The following CHRM3 variants were observed in gnomAD, a reference collection of about 807,000 sequenced individuals.
CHRM3 encodes the protein cholinergic receptor muscarinic 3, also known as muscarinic acetylcholine receptor M3.
In CHRM3, 11 loss-of-function variants were observed where a neutral mutation model predicts 41.8. That is an observed-to-expected ratio of 0.26 (90% confidence interval 0.17 to 0.44). CHRM3 has a LOEUF of 0.44. Among genes scored for constraint, CHRM3 ranks in the 20% least tolerant of loss-of-function variants. CHRM3 has a pLI of 1.00. For synonymous variants in CHRM3, 297 were observed against 301.4 expected (o/e 0.99, Z 0.15); for missense variants, 571 against 745.4 (o/e 0.77, Z 2.72).
chr1:239,841,313 C>G (rs993860989), intron 6 of CHRM3, among the ~76,000 whole-genome samples: 1 of 152,006 alleles, frequency 6.6e-6, no homozygotes, highest in Non-Finnish European at 1.5e-5. Context: ...AGCTAGTATG[C>G]TCTGGAGATG....
At chr1:239,446,041 A>G (rs528719896) in intron 1 of CHRM3, among the ~76,000 whole-genome samples, 1 of 151,988 alleles carries the variant, frequency 6.6e-6, no homozygotes, top group East Asian at 2.0e-4. Context: ...GGGTTCAAGC[A>G]ATTCTCCTGC....
intron 3 of CHRM3, among the ~76,000 whole-genome samples, chr1:239,615,400 C>T (rs1179578018): frequency 1.3e-5 from 2 of 152,040 alleles, no homozygotes; most frequent in Admixed American, 6.5e-5. Flanking sequence ...CCCTGGGGCT[C>T]CCACCAAGTG....
Position 239,629,258 on chromosome 1 carries a change from C to G in CHRM3, c.-312-2966C>G, listed in dbSNP as rs532075613. The G allele has an allele frequency of 1.3e-4, 18 of 134,230 alleles. 1 individual carries two copies. The highest frequency in any genetic ancestry group is 5.3e-4 in the African/African-American group (18 of 34,150). 8.3% of individuals were successfully genotyped at this position (134,230 alleles called of 1,614,324 possible). A position where few individuals can be genotyped will look rare whatever the true frequency, so the allele number is the denominator to read the frequency against. On this transcript the variant is annotated intron_variant, in intron 3 of 6. Transcript: ENST00000676153. ...GCGCAATATTCGGGTGGGAGTGACCCGATTTTCCAGGTGCTTCCGTCACCC... is the reference window on the plus strand; with the variant it reads ...GCGCAATATTCGGGTGGGAGTGACCGGATTTTCCAGGTGCTTCCGTCACCC...
intron 5 of CHRM3, among the ~76,000 whole-genome samples, chr1:239,730,100 T>C (rs1159025358): frequency 6.6e-6 from 1 of 151,968 alleles, no homozygotes; most frequent in Non-Finnish European, 1.5e-5. Flanking sequence ...TATCAATAAA[T>C]GTTTAAGTTA....
chr1:239,786,691 G>A (rs1198512612), intron 5 of CHRM3, among the ~76,000 whole-genome samples: 1 of 151,668 alleles, frequency 6.6e-6, no homozygotes, highest in Non-Finnish European at 1.5e-5. Context: ...ACACCGCAGG[G>A]TGCCGAGGGC....
intron 3 of CHRM3, among the ~76,000 whole-genome samples, chr1:239,582,682 C>T (rs921780023): frequency 2.6e-5 from 4 of 152,112 alleles, no homozygotes; most frequent in Non-Finnish European, 4.4e-5. Context: ...TCAATACCAT[C>T]CTCATCCATG....
intron 5 of CHRM3, among the ~76,000 whole-genome samples, chr1:239,732,206 T>C (rs1461382002): frequency 6.6e-6 from 1 of 151,846 alleles, no homozygotes; most frequent in Non-Finnish European, 1.5e-5. Context: ...TTTAGATAAG[T>C]ATGCCTAACA....
At chr1:239,725,522 A>G (rs1663357525) in intron 5 of CHRM3, among the ~76,000 whole-genome samples, 1 of 151,978 alleles carries the variant, frequency 6.6e-6, no homozygotes, top group Non-Finnish European at 1.5e-5. Flanking sequence ...TGAATAAATA[A>G]AGATAACATA....
intron 5 of CHRM3, among the ~76,000 whole-genome samples, chr1:239,740,639 G>A (rs920991277): frequency 6.6e-6 from 1 of 152,010 alleles, no homozygotes; most frequent in Non-Finnish European, 1.5e-5. Context: ...CCCCTGACAG[G>A]CCCAAGTGTG....
At chr1:239,870,734 T>C (rs1676504052) in intron 6 of CHRM3, among the ~76,000 whole-genome samples, 1 of 152,200 alleles carries the variant, frequency 6.6e-6, no homozygotes, top group Non-Finnish European at 1.5e-5. Flanking sequence ...TTCCTTCATA[T>C]TAAAATCTGT....
intron 5 of CHRM3, among the ~76,000 whole-genome samples, chr1:239,708,202 T>C (rs1428545291): frequency 6.6e-6 from 1 of 152,198 alleles, no homozygotes; most frequent in Admixed American, 6.5e-5. Flanking sequence ...CTTGTGGTGG[T>C]TCAGGCCAAA....
intron 5 of CHRM3, among the ~76,000 whole-genome samples, chr1:239,758,782 G>A (rs1666450091): frequency 6.6e-6 from 1 of 152,122 alleles, no homozygotes; most frequent in Admixed American, 6.5e-5. Context: ...AGTCTACTGT[G>A]TTTTTTGGTA....
intron 1 of CHRM3, among the ~76,000 whole-genome samples, chr1:239,424,198 A>G (rs1415106703): frequency 6.6e-6 from 1 of 152,182 alleles, no homozygotes; most frequent in East Asian, 1.9e-4. Context: ...TGCTCCTAAC[A>G]TACGACACGG....
intron 4 of CHRM3, among the ~76,000 whole-genome samples, chr1:239,661,577 A>G (rs1291446779): frequency 1.3e-5 from 2 of 152,222 alleles, no homozygotes; most frequent in African/African-American, 4.8e-5. Context: ...TATGTACTGG[A>G]CAATTCTGAC....
chr1:239,430,248 G>A (rs1279473282), intron 1 of CHRM3, among the ~76,000 whole-genome samples: 2 of 151,658 alleles, frequency 1.3e-5, no homozygotes, highest in African/African-American at 4.8e-5. Flanking sequence ...TTACAGGTGT[G>A]AGCCACCACA....
At position 239,387,698 on chromosome 1, in the gene CHRM3, A is replaced by T. The variant is rs1050309831; in HGVS notation, c.-521+471A>T. 3.9e-5 allele frequency among the ~76,000 whole-genome samples: 6 copies of T among 152,002 alleles called. No homozygotes were observed. The highest frequency in any genetic ancestry group is 1.4e-4 in the African/African-American group (6 of 41,386). On this transcript the variant is annotated intron_variant, in intron 1 of 6. Coordinates refer to ENST00000676153, the MANE Select transcript of CHRM3 (RefSeq NM_001375978.1). This position sits in a 1 kb window ranked among gnomAD's most constrained non-coding sequence, Gnocchi z 5.1. ...TTGAGCGTTTGTCTCCCATCTCCCC[A>T]TTTGGTTTCCTGTCATTTCTAAGAA...
intron 2 of CHRM3, among the ~76,000 whole-genome samples, chr1:239,540,041 A>G (rs1333734469): frequency 1.3e-5 from 2 of 152,146 alleles, no homozygotes; most frequent in Non-Finnish European, 2.9e-5. Context: ...CCTAGGTGCA[A>G]TAGGGTTTAT....
intron 1 of CHRM3, among the ~76,000 whole-genome samples, chr1:239,490,460 G>A (rs1053926912): frequency 6.6e-6 from 1 of 152,134 alleles, no homozygotes; most frequent in Non-Finnish European, 1.5e-5. Context: ...AGAAGTAGAG[G>A]CTTCTCAGAA....
chr1:239,683,377 T>C lies in CHRM3; in HGVS notation c.-147+5089T>C, dbSNP rs555300394. Reference sequence around the variant, plus strand: ...CATCAGATTAGAAGACTATATCTGGTGTGCTCTGCTGAAGCAGAGAGAGAG... The same window carrying C: ...CATCAGATTAGAAGACTATATCTGGCGTGCTCTGCTGAAGCAGAGAGAGAG... On this transcript the variant is annotated intron_variant, in intron 5 of 6. Transcript: ENST00000676153. Among the ~76,000 whole-genome samples the C allele has an allele frequency of 2.0e-5, 3 of 152,226 alleles. No homozygotes were observed. The South Asian group carries it at 6.2e-4, about 32-fold the overall frequency.
Sources: allele counts gnomAD v4.1 joint callset (sites outside exome capture counted in the v4.1 genomes callset), GRCh38; gene constraint gnomAD v4.1.1; non-coding constraint Gnocchi (gnomAD v3.1); transcripts MANE v1.5; gene names NCBI Gene and HGNC (gene_info 2026-07-23, HGNC 2026-07-21).